BCL7C: variants seen among roughly 807,000 people sequenced by gnomAD.
BCL7C encodes B-cell CLL/lymphoma 7 protein family member C.
Under a neutral mutation model 26.2 loss-of-function variants are expected in BCL7C, and 8 were observed. The observed-to-expected ratio is 0.30, with a 90% CI of 0.18 to 0.55. The LOEUF (loss-of-function observed/expected upper bound fraction) is 0.55. Among genes scored for constraint, BCL7C ranks in the 20% least tolerant of loss-of-function variants. The probability of loss-of-function intolerance (pLI) is 0.93; values close to 1 mark genes in which losing one functional copy is unlikely to be tolerated. For synonymous variants in BCL7C, 90 were observed against 116.5 expected, an observed-to-expected ratio of 0.77 and a Z score of 1.47; for missense variants, 262 against 298.5, an observed-to-expected ratio of 0.88 and a Z score of 0.90.
chr16:30,892,844 A>G lies in BCL7C; in HGVS notation c.276T>C (p.Leu92=). 1 of 1,613,418 alleles carries G rather than the reference A, an allele frequency of 6.2e-7. No individual in the cohort carries two copies. The highest frequency in any genetic ancestry group is 8.5e-7 in the Non-Finnish European group (1 of 1,179,936). Residue 92 remains leucine, a synonymous_variant, in exon 3 of 6, where the codon CTT becomes CTC. Transcript: ENST00000215115. ...RGGGPLILLD[L]NDENSNQSFH... is the part of the protein sequence containing the mutation. ...CGTTTCAGGATCCCTACCTACCATT[A>G]AGATCCAGCAGGATGAGAGGGCCAC... is the stretch of plus-strand genomic sequence containing the variant.
chr16:30,864,349 T>A (rs551300074), intron 5 of BCL7C, among the ~76,000 whole-genome samples: 1 of 152,258 alleles, frequency 6.6e-6, no homozygotes, highest in East Asian at 1.9e-4. Context: ...TTAATACCTA[T>A]TTTTCTCCTT....
chr16:30,851,429 C>A, intron 5 of BCL7C: 1 of 195,614 alleles, frequency 5.1e-6, no homozygotes, highest in Non-Finnish European at 1.0e-5. Context: ...TTAGTAGAGA[C>A]AGGTTTCACC....
chr16:30,879,689 C>CAAAAAAAAA lies in BCL7C; in HGVS notation c.528+9162_528+9170dup, dbSNP rs1187827463. ...AACACAGAGAGACTCCCCTTCTCTA[C>CAAAAAAAAA]AAAAAAAAAAAAAAAAAAAACTGGG... On this transcript the variant is annotated intron_variant, in intron 5 of 5. Coordinates refer to the BCL7C transcript ENST00000380317. 2.2e-3 allele frequency among the ~76,000 whole-genome samples: 64 copies of CAAAAAAAAA among 29,396 alleles called. 14 individuals carry two copies. The highest frequency in any genetic ancestry group is 3.6e-3 in the South Asian group (1 of 274). The allele number at this position is 29,396 out of a possible 152,430, so 19.3% of individuals were successfully genotyped here.
intron 5 of BCL7C, among the ~76,000 whole-genome samples, chr16:30,874,859 G>A (rs1209490660): frequency 6.6e-6 from 1 of 152,162 alleles, no homozygotes; most frequent in African/African-American, 2.4e-5. Flanking sequence ...GAGAAGCGCC[G>A]TGTGTGGCGC....
At chr16:30,837,956 A>G (rs1383921383) in intron 5 of BCL7C, among the ~76,000 whole-genome samples, 1 of 152,222 alleles carries the variant, frequency 6.6e-6, no homozygotes, top group Admixed American at 6.5e-5. Context: ...CCTACTGGCT[A>G]TCTTAGCTAC....
chr16:30,873,197 CTA>C (rs1181223523), intron 5 of BCL7C, among the ~76,000 whole-genome samples: 8 of 151,260 alleles, frequency 5.3e-5, no homozygotes, highest in African/African-American at 1.9e-4. Context: ...TTCTAGCTGG[CTA>C]TGATTATAGG....
chr16:30,837,207 T>C (rs1239127686), intron 5 of BCL7C, among the ~76,000 whole-genome samples: 1 of 152,182 alleles, frequency 6.6e-6, no homozygotes, highest in Admixed American at 6.5e-5. Context: ...CTAATAGTGT[T>C]TACCATTAAA....
intron 5 of BCL7C, among the ~76,000 whole-genome samples, chr16:30,848,983 T>C (rs4889612): frequency 0.97 from 146,630 of 151,076 alleles, 71,286 homozygotes; most frequent in Middle Eastern, 1. Flanking sequence ...GTCAAGAGAT[T>C]GAGACCATCC....
chr16:30,870,211 C>T (rs991117652), intron 5 of BCL7C, among the ~76,000 whole-genome samples: 3 of 152,172 alleles, frequency 2.0e-5, no homozygotes, highest in Admixed American at 6.5e-5. Context: ...GCTCTAGAAG[C>T]CTAGGCAGAA....
intron 4 of BCL7C, among the ~76,000 whole-genome samples, chr16:30,890,846 A>G (rs1276179710): frequency 6.6e-6 from 1 of 151,884 alleles, no homozygotes; most frequent in Non-Finnish European, 1.5e-5. Flanking sequence ...TTAGCGGGGC[A>G]TGGTGGTGCA....
rs761445872 is a variant in BCL7C at position 30,893,304 on chromosome 16, G to A, written c.93-14C>T. The A allele has an allele frequency of 9.3e-6, 15 of 1,611,410 alleles. No homozygotes were observed. Among genetic ancestry groups the A allele is most frequent in the Non-Finnish European group, 1.2e-5 (14 of 1,178,428 alleles). ...CATCGCTTCTCCCTGTGGGAGGGTG[G>A]GGGGCTGGGTCAGAGAGGCCTGAGG... On this transcript the variant is annotated splice_polypyrimidine_tract_variant and intron_variant, in intron 1 of 5. Transcript: ENST00000215115. The surrounding 1 kb of genome is among the most constrained non-coding windows in gnomAD (Gnocchi z 5.2).
At chr16:30,843,727 G>A (rs1028446797) in intron 5 of BCL7C, among the ~76,000 whole-genome samples, 6 of 151,900 alleles carry the variant, frequency 3.9e-5, no homozygotes, top group East Asian at 3.9e-4. Flanking sequence ...GCCTTCTCTC[G>A]CTCCAGTCCC....
Position 30,894,068 on chromosome 16 carries a change from G to T in BCL7C, c.-124C>A. On this transcript the variant is annotated 5_prime_UTR_variant, in exon 1 of 6. Coordinates refer to ENST00000215115, the MANE Select transcript of BCL7C (RefSeq NM_004765.4). ...TGCCGTCCCCCCTGGAGTTGGCCGC[G>T]CCCTCTCTCGTCCCCAACGCCTCCG... 4.7e-6 allele frequency: 1 copy of T among 214,916 alleles called. No homozygotes were observed. The highest frequency in any genetic ancestry group is 8.4e-6 in the Non-Finnish European group (1 of 119,590). The allele number at this position is 214,916 out of a possible 1,614,324, so 13.3% of individuals were successfully genotyped here.
In BCL7C at chr16:30,844,301, G is replaced by A. The variant is rs146818834; in HGVS notation, c.529-9153C>T. Among the ~76,000 whole-genome samples the A allele has an allele frequency of 1.1e-4, 13 of 120,094 alleles. No individual in the cohort carries two copies. The East Asian group carries it at 3.7e-3, about 34-fold the overall frequency. 78.8% of individuals were successfully genotyped at this position (120,094 alleles called of 152,430 possible). A position where few individuals can be genotyped will look rare whatever the true frequency, so the allele number is the denominator to read the frequency against. ...GGGGGCAGGGGTTGCAGTGAGCCCA[G>A]ATGGCACCAATGCACTCCAGCCTGG... On this transcript the variant is annotated intron_variant, in intron 5 of 5. Coordinates refer to the BCL7C transcript ENST00000380317.
chr16:30,836,040 G>C (rs1053701275), intron 5 of BCL7C, among the ~76,000 whole-genome samples: 3 of 151,448 alleles, frequency 2.0e-5, no homozygotes, highest in African/African-American at 7.3e-5. Context: ...ATCACTTGAG[G>C]TCAGGGGTTC....
At chr16:30,887,546 C>T (rs938074834), downstream of BCL7C, among the ~76,000 whole-genome samples, 5 of 150,390 alleles carry the variant, frequency 3.3e-5, no homozygotes, top group Middle Eastern at 3.5e-3. Flanking sequence ...TAGGCCCAGG[C>T]GAGGGCTGAG....
chr16:30,856,311 G>C (rs1475338659), intron 5 of BCL7C, among the ~76,000 whole-genome samples: 5 of 151,298 alleles, frequency 3.3e-5, no homozygotes, highest in African/African-American at 1.2e-4. Context: ...CATGGTGGCG[G>C]GCACCTGTAG....
intron 5 of BCL7C, among the ~76,000 whole-genome samples, chr16:30,872,529 T>A (rs1347223840): frequency 6.6e-6 from 1 of 152,178 alleles, no homozygotes; most frequent in Non-Finnish European, 1.5e-5. Flanking sequence ...CGGTGTGCCG[T>A]TGAGAGAGGG....
chr16:30,886,086 C>T (rs143857851), downstream of BCL7C, among the ~76,000 whole-genome samples: 1 of 152,268 alleles, frequency 6.6e-6, no homozygotes, highest in East Asian at 1.9e-4. Context: ...GCAGTCCTCC[C>T]ACCTGTGCCT....
Sources: gnomAD v4.1 joint callset for allele counts (sites outside exome capture counted in the v4.1 genomes callset) on GRCh38, gnomAD v4.1.1 for gene constraint, Gnocchi (gnomAD v3.1) non-coding constraint, MANE v1.5 for transcripts, NCBI Gene and HGNC (gene_info 2026-07-23, HGNC 2026-07-21) for gene names.